The following CTXND1 variants were observed in gnomAD, a reference collection of about 807,000 sequenced individuals.
The protein encoded by CTXND1 is cortexin domain containing 1.
intron 1 of CTXND1, among the ~76,000 whole-genome samples, chr15:80,232,938 T>C (rs1893447610): frequency 7.3e-6 from 1 of 136,524 alleles, no homozygotes; most frequent in South Asian, 2.4e-4. Context: ...AAAATGCAAC[T>C]TCCTTTTTTT....
At chr15:80,208,859 G>A (rs1182956669) in intron 1 of CTXND1, among the ~76,000 whole-genome samples, 2 of 152,158 alleles carry the variant, frequency 1.3e-5, no homozygotes, top group South Asian at 2.1e-4. Flanking sequence ...CCATGTTTCC[G>A]ACCCCATGCC....
chr15:80,213,747 G>A (rs774705001), intron 1 of CTXND1, among the ~76,000 whole-genome samples: 20 of 152,230 alleles, frequency 1.3e-4, no homozygotes, highest in South Asian at 2.1e-4. Context: ...ACCTGAGGAC[G>A]AGGAGCAACA....
At chr15:80,216,353 C>A (rs1016274006) in intron 1 of CTXND1, among the ~76,000 whole-genome samples, 1 of 152,164 alleles carries the variant, frequency 6.6e-6, no homozygotes, top group African/African-American at 2.4e-5. Flanking sequence ...GACATACGCT[C>A]AAAGTTTTGC....
intron 1 of CTXND1, among the ~76,000 whole-genome samples, chr15:80,250,942 C>T (rs910114169): frequency 6.6e-6 from 1 of 152,164 alleles, no homozygotes; most frequent in Non-Finnish European, 1.5e-5. Flanking sequence ...GGAACTAGAT[C>T]CCCTAGTTCA....
At chr15:80,237,460 T>G (rs1027205372) in intron 1 of CTXND1, among the ~76,000 whole-genome samples, 1 of 152,028 alleles carries the variant, frequency 6.6e-6, no homozygotes, top group Non-Finnish European at 1.5e-5. Context: ...CAGCTCCATG[T>G]GTGTTACTGC....
rs2041444816 is a variant in CTXND1 at position 80,200,748 on chromosome 15, A to T, written c.*1022T>A. On this transcript the variant is annotated 3_prime_UTR_variant, in exon 3 of 3. Coordinates refer to ENST00000560778, the MANE Select transcript of CTXND1 (RefSeq NM_001352888.2). ...TTGTAACCTGACTGGTAAATGCGAG[A>T]CTAGAACCCAGGTCTCCCCATTCAA... 6.6e-6 allele frequency: 1 copy of T among 152,238 alleles called. No individual in the cohort carries two copies. The highest frequency in any genetic ancestry group is 1.5e-5 in the Non-Finnish European group (1 of 68,050). 9.4% of individuals were successfully genotyped at this position (152,238 alleles called of 1,614,324 possible).
At chr15:80,207,256 C>T (rs541115861) in intron 1 of CTXND1, among the ~76,000 whole-genome samples, 5 of 151,910 alleles carry the variant, frequency 3.3e-5, no homozygotes, top group Non-Finnish European at 4.4e-5. Context: ...GACCTTTTCA[C>T]TGTGTCACAA....
intron 2 of CTXND1, among the ~76,000 whole-genome samples, chr15:80,203,085 T>C (rs1237358974): frequency 5.3e-5 from 8 of 152,246 alleles, no homozygotes; most frequent in Non-Finnish European, 1.2e-4. Flanking sequence ...AGTACATACT[T>C]TGAGTGAACT....
intron 1 of CTXND1, among the ~76,000 whole-genome samples, chr15:80,207,152 T>G (rs550129507): frequency 6.6e-6 from 1 of 152,192 alleles, no homozygotes; most frequent in African/African-American, 2.4e-5. Context: ...TGTTACTTGA[T>G]GTCAGCTTCT....
intron 1 of CTXND1, among the ~76,000 whole-genome samples, chr15:80,228,892 T>A (rs1893400109): frequency 6.6e-6 from 1 of 151,964 alleles, no homozygotes; most frequent in South Asian, 2.1e-4. Flanking sequence ...CCCCCGAAAG[T>A]GCTGGGATTA....
At chr15:80,223,326 G>T (rs968760975) in intron 1 of CTXND1, among the ~76,000 whole-genome samples, 1 of 152,072 alleles carries the variant, frequency 6.6e-6, no homozygotes. Flanking sequence ...CAAAGTGTTG[G>T]GATTATAGGC....
intron 1 of CTXND1, among the ~76,000 whole-genome samples, chr15:80,217,289 C>A (rs1893263871): frequency 6.6e-6 from 1 of 152,096 alleles, no homozygotes; most frequent in South Asian, 2.1e-4. Context: ...AAATAGATAT[C>A]TTAATATAGA....
At chr15:80,224,448 A>G (rs34107684) in intron 1 of CTXND1, among the ~76,000 whole-genome samples, 38,416 of 152,086 alleles carry the variant, frequency 0.25, 5,370 homozygotes, top group East Asian at 0.38. Flanking sequence ...CAACAACACC[A>G]CACTTTCTTA....
At chr15:80,243,670 G>A (rs1005569791) in intron 1 of CTXND1, among the ~76,000 whole-genome samples, 1 of 152,104 alleles carries the variant, frequency 6.6e-6, no homozygotes, top group African/African-American at 2.4e-5. Flanking sequence ...GTACCCCAAG[G>A]GTAAATGATG....
intron 1 of CTXND1, among the ~76,000 whole-genome samples, chr15:80,213,909 A>T (rs1238109582): frequency 6.6e-6 from 1 of 152,214 alleles, no homozygotes; most frequent in Non-Finnish European, 1.5e-5. Flanking sequence ...GCAATAAAAA[A>T]TTGCTTGAAG....
At chr15:80,211,657 T>C (rs1893205665) in intron 1 of CTXND1, among the ~76,000 whole-genome samples, 1 of 152,132 alleles carries the variant, frequency 6.6e-6, no homozygotes, top group African/African-American at 2.4e-5. Context: ...TATCTTCCGA[T>C]ATGTAAACAC....
chr15:80,241,390 A>AACAGACCTTTCTTTTCCCCTTTTCATGC (rs1567135379), intron 1 of CTXND1, among the ~76,000 whole-genome samples: 93 of 152,024 alleles, frequency 6.1e-4, no homozygotes, highest in Non-Finnish European at 7.7e-4. Flanking sequence ...CCTTTTCATG[A>AACAGACCTTTCTTTTCCCCTTTTCATGC]CTTTGTTCAA....
At position 80,228,974 on chromosome 15, in the gene CTXND1, G is replaced by A. The variant is rs986352708; in HGVS notation, c.-218+23033C>T. Among the ~76,000 whole-genome samples the A allele has an allele frequency of 1.1e-4, 17 of 152,082 alleles. 1 individual carries two copies. Among genetic ancestry groups the A allele is most frequent in the Admixed American group, 2.0e-4 (3 of 15,268 alleles). On this transcript the variant is annotated intron_variant, in intron 1 of 2. Transcript: ENST00000560778. The stretch of plus-strand genomic sequence containing the variant: ...GTACTGACATGATACTCAAAGAAAA[G>A]GCTCATTGGAACATTTTGGATTTTC...
In CTXND1 at chr15:80,200,601, C is replaced by G. The variant is rs1175470188; in HGVS notation, c.*1169G>C. Reference sequence around the variant, plus strand: ...ATTCATAGTATATTCACTCCCCTTTCTGTCCTTTCGTTCACATGAGGTATA... The same window carrying G: ...ATTCATAGTATATTCACTCCCCTTTGTGTCCTTTCGTTCACATGAGGTATA... On this transcript the variant is annotated 3_prime_UTR_variant, in exon 3 of 3. Transcript: ENST00000560778. 3.3e-5 allele frequency: 5 copies of G among 152,200 alleles called. No individual in the cohort carries two copies. 9.4% of individuals were successfully genotyped at this position (152,200 alleles called of 1,614,324 possible). A position where few individuals can be genotyped will look rare whatever the true frequency, so the allele number is the denominator to read the frequency against.
Sources: gnomAD v4.1 joint callset for allele counts (sites outside exome capture counted in the v4.1 genomes callset) on GRCh38, gnomAD v4.1.1 for gene constraint, MANE v1.5 for transcripts, NCBI Gene and HGNC (gene_info 2026-07-23, HGNC 2026-07-21) for gene names.